The following LAMB1 variants were observed in gnomAD, a reference collection of about 807,000 sequenced individuals.
The protein encoded by LAMB1 is laminin subunit beta-1.
LAMB1 carries 121 observed loss-of-function variants against 222.3 expected under a neutral mutation model. The observed-to-expected ratio is 0.54, with a 90% confidence interval of 0.47 to 0.63. The LOEUF (loss-of-function observed/expected upper bound fraction) is 0.63. LAMB1 is among the 30% of genes least tolerant of loss of function. The pLI is 0.00. For missense variants in LAMB1, 2,172 were observed against 2,240.8 expected, an observed-to-expected ratio of 0.97 and a Z score of 0.62; for synonymous variants, 794 against 807.2, an observed-to-expected ratio of 0.98 and a Z score of 0.28.
chr7:107,964,667 T>C lies in LAMB1; in HGVS notation c.1583A>G (p.Gln528Arg). 6.2e-7 allele frequency: 1 copy of C among 1,614,148 alleles called. No homozygotes were observed. Among genetic ancestry groups the C allele is most frequent in the Non-Finnish European group, 8.5e-7 (1 of 1,180,012 alleles). Residue 528 changes from glutamine (Q) to arginine (R), a missense_variant, in exon 14 of 34, where the codon CAG becomes CGG. Coordinates refer to ENST00000222399, the MANE Select transcript of LAMB1 (RefSeq NM_002291.3). ...LNNSCFAESG[Q>R]CSCRPHMIGR... is the part of the protein sequence containing the mutation. ...AATCATGTGAGGCCGGCATGAGCACTGGCCTGACTCCGCAAAGCAACTGGA... is the reference window on the plus strand; with the variant it reads ...AATCATGTGAGGCCGGCATGAGCACCGGCCTGACTCCGCAAAGCAACTGGA...
At position 107,961,232 on chromosome 7, in the gene LAMB1, C is replaced by T; in HGVS notation, c.2083G>A (p.Glu695Lys). ...PQYTSSDSDV[E>K]SPYTLIDSLV... ...GAATCGATCAGCGTGTAGGGGCTCT[C>T]CACGTCGCTATCAGAGGAGGTGTAC... Residue 695 changes from glutamate to lysine, a missense_variant, in exon 17 of 34, where the codon GAG (glutamate) becomes AAG (lysine). Physicochemically the swap from Glu to Lys is moderately conservative, Grantham distance 56. Transcript: ENST00000222399. The T allele has an allele frequency of 6.2e-7, 1 of 1,613,992 alleles. No homozygotes were observed. Among genetic ancestry groups the T allele is most frequent in the South Asian group, 1.1e-5 (1 of 91,060 alleles).
At chr7:107,985,130 C>G (rs1270366598) in intron 7 of LAMB1, among the ~76,000 whole-genome samples, 1 of 152,176 alleles carries the variant, frequency 6.6e-6, no homozygotes, top group Non-Finnish European at 1.5e-5. Context: ...GATAACCTAT[C>G]AATCTTATAT....
rs191743862 is a variant in LAMB1, at chr7:107,979,789, G to A, written c.879+820C>T. On this transcript the variant is annotated intron_variant, in intron 8 of 33. Coordinates refer to ENST00000222399, the MANE Select transcript of LAMB1 (RefSeq NM_002291.3). Reference sequence around the variant, plus strand: ...GGGTGTGGGTTAAAATTTTCCAGCCGTGGGCAGGGCGCATTGGCTCACGCC... The same window carrying A: ...GGGTGTGGGTTAAAATTTTCCAGCCATGGGCAGGGCGCATTGGCTCACGCC... Among the ~76,000 whole-genome samples the A allele has an allele frequency of 3.8e-3, 584 of 152,294 alleles. 24 individuals are homozygous for A. The highest frequency in any genetic ancestry group is 0.031 in the Admixed American group (481 of 15,292).
In LAMB1 at chr7:108,001,830, G is replaced by A. The variant is rs568550649; in HGVS notation, c.38-97C>T. On this transcript the variant is annotated intron_variant, in intron 2 of 33. Coordinates refer to ENST00000222399, the MANE Select transcript of LAMB1 (RefSeq NM_002291.3). ...GGGGGCGGGGGAGTGGGTGCGGAGAGAGGACAGTCCATTCGGAAGAAAGCA... is the reference window on the plus strand; with the variant it reads ...GGGGGCGGGGGAGTGGGTGCGGAGAAAGGACAGTCCATTCGGAAGAAAGCA... 34 of 1,552,872 alleles carry A rather than the reference G, an allele frequency of 2.2e-5. 1 individual carries two copies. In the South Asian group the frequency reaches 3.6e-4, roughly 16 times the overall value.
At chr7:107,992,508 G>A (rs1271737273) in intron 5 of LAMB1, among the ~76,000 whole-genome samples, 1 of 152,158 alleles carries the variant, frequency 6.6e-6, no homozygotes, top group Non-Finnish European at 1.5e-5. Context: ...GTAAACATTT[G>A]TAGAGCAATT....
chr7:107,952,062 A>T lies in LAMB1; in HGVS notation c.3241T>A (p.Cys1081Ser). The T allele has an allele frequency of 6.8e-6, 11 of 1,614,130 alleles. No homozygotes were observed. The highest frequency in any genetic ancestry group is 9.3e-6 in the Non-Finnish European group (11 of 1,179,996). The change falls in exon 23 of 34, where the codon TGT becomes AGT. Residue 1081 changes from cysteine to serine, a missense_variant. Coordinates refer to ENST00000222399, the MANE Select transcript of LAMB1 (RefSeq NM_002291.3). ...NTWQLASGTG[C>S]DPCNCNAAHS... ...GCAGCATTGCAGTTGCATGGGTCAC[A>T]GCCAGTGCCACTGGCCAGCTGCCAG...
rs1163818048 is a variant in LAMB1, at chr7:107,959,446, G to A, written c.2493C>T (p.Ala831=). ...ACTGGCCAGTGACGGGATTGCAGAA[G>A]GCATTGACAGATCCTTGCAGATGGC... The part of the protein sequence containing the change: ...CECHLQGSVN[A]FCNPVTGQCH... The change falls in exon 20 of 34, where the codon GCC becomes GCT. Residue 831 remains alanine (A), a synonymous_variant. Transcript: ENST00000222399. 1 of 1,614,112 alleles carries A rather than the reference G, an allele frequency of 6.2e-7. No homozygotes were observed. The highest frequency in any genetic ancestry group is 1.7e-5 in the Admixed American group (1 of 60,012).
At chr7:107,946,796 C>T (rs1421701407) in intron 24 of LAMB1, among the ~76,000 whole-genome samples, 2 of 152,164 alleles carry the variant, frequency 1.3e-5, no homozygotes, top group Non-Finnish European at 2.9e-5. Flanking sequence ...TACAGGCATT[C>T]TAAAGATTAA....
At chr7:107,943,372 G>A (rs1192725303) in intron 24 of LAMB1, among the ~76,000 whole-genome samples, 1 of 152,016 alleles carries the variant, frequency 6.6e-6, no homozygotes, top group Admixed American at 6.5e-5. Flanking sequence ...GAAAGGCTTG[G>A]GAAAACCACT....
intron 4 of LAMB1, among the ~76,000 whole-genome samples, chr7:107,997,658 C>T (rs1474243952): frequency 1.3e-5 from 2 of 152,082 alleles, no homozygotes; most frequent in African/African-American, 4.8e-5. Flanking sequence ...TGTTAATTAA[C>T]GAACACAATA....
intron 24 of LAMB1, among the ~76,000 whole-genome samples, chr7:107,948,252 G>A (rs1406495220): frequency 6.6e-6 from 1 of 152,152 alleles, no homozygotes; most frequent in Non-Finnish European, 1.5e-5. Flanking sequence ...CTCCCAAAGT[G>A]TTGGGATTAC....
At chr7:107,990,312 T>A (rs947410041) in intron 5 of LAMB1, among the ~76,000 whole-genome samples, 1 of 152,186 alleles carries the variant, frequency 6.6e-6, no homozygotes, top group East Asian at 1.9e-4. Flanking sequence ...AGTGTTGGGA[T>A]TACAGGCATG....
At position 107,964,626 on chromosome 7, in the gene LAMB1, C is replaced by G. The variant is rs147368503; in HGVS notation, c.1624G>C (p.Glu542Gln). 1 of 1,614,050 alleles carries G rather than the reference C, an allele frequency of 6.2e-7. No homozygotes were observed. Among genetic ancestry groups the G allele is most frequent in the Non-Finnish European group, 8.5e-7 (1 of 1,180,026 alleles). Residue 542 changes from glutamate to glutamine, a missense_variant, in exon 14 of 34, where the codon GAA becomes CAA. Coordinates refer to ENST00000222399, the MANE Select transcript of LAMB1 (RefSeq NM_002291.3). ...GCAAAGTAGTAACCAGGTTCCACTT[C>G]GTTGCACTGACGTCCAATCATGTGA... is the stretch of plus-strand genomic sequence containing the variant. ...RPHMIGRQCN[E>Q]VEPGYYFATL...
intron 7 of LAMB1, among the ~76,000 whole-genome samples, chr7:107,985,394 C>T (rs531710727): frequency 5.4e-4 from 82 of 150,676 alleles, no homozygotes; most frequent in Non-Finnish European, 8.9e-4. Context: ...GAGGCTGAGG[C>T]GGGTGGATCA....
chr7:108,003,067 G>GACCGGGAC, intron 1 of LAMB1, 44 bp downstream of exon 1: 2 of 1,364,964 alleles, frequency 1.5e-6, no homozygotes, highest in Non-Finnish European at 1.9e-6. Flanking sequence ...CGGGGGGTGG[G>GACCGGGAC]CTGGAAAGTG....
chr7:107,993,838 C>T (rs1387714192), intron 5 of LAMB1, among the ~76,000 whole-genome samples: 1 of 152,182 alleles, frequency 6.6e-6, no homozygotes, highest in Non-Finnish European at 1.5e-5. Context: ...CCAGGTGTCA[C>T]AGTCACAGTG....
chr7:107,976,983 TTTC>T (rs2033875869), intron 9 of LAMB1, among the ~76,000 whole-genome samples: 1 of 139,710 alleles, frequency 7.2e-6, no homozygotes. Context: ...CCTTCCTTCC[TTTC>T]CTCTTCCTCC....
chr7:107,958,825 T>C (rs930833045), intron 20 of LAMB1, among the ~76,000 whole-genome samples: 17 of 152,218 alleles, frequency 1.1e-4, no homozygotes, highest in African/African-American at 3.6e-4. Context: ...CTGGAAACTG[T>C]AGTTGCATAA....
At chr7:107,946,057 T>G (rs2033108490) in intron 24 of LAMB1, among the ~76,000 whole-genome samples, 1 of 152,184 alleles carries the variant, frequency 6.6e-6, no homozygotes, top group Admixed American at 6.5e-5. Context: ...GGGCTGATTA[T>G]CCTCCTTTTT....
Sources: gnomAD v4.1 joint callset for allele counts (sites outside exome capture counted in the v4.1 genomes callset) on GRCh38, gnomAD v4.1.1 for gene constraint, MANE v1.5 for transcripts, NCBI Gene and HGNC (gene_info 2026-07-23, HGNC 2026-07-21) for gene names.